The following GYPE variants were observed in gnomAD, a reference collection of about 807,000 sequenced individuals.
GYPE encodes glycophorin E (MNS blood group).
Under a neutral mutation model 11.6 loss-of-function variants are expected in GYPE, and 8 were observed. The ratio of observed to expected loss-of-function variants is 0.69; its 90% CI spans 0.41 to 1.25. The LOEUF is 1.25. Among genes scored for constraint, GYPE ranks in the 50% most tolerant of loss-of-function variants. The pLI is 0.01. For missense variants in GYPE, 90 were observed against 92.8 expected, an observed-to-expected ratio of 0.97 and a Z score of 0.12; for synonymous variants, 28 against 29.6, an observed-to-expected ratio of 0.94 and a Z score of 0.18.
At position 143,880,641 on chromosome 4, in the gene GYPE, T is replaced by C. The variant is rs1743990217; in HGVS notation, c.38-132A>G. ...TAAGCGCTTTGGTATATATCTTACA[T>C]AATCTTTAGAGAATTGCTGTGTGGT... On this transcript the variant is annotated intron_variant, in intron 1 of 3. Coordinates refer to ENST00000358615, the MANE Select transcript of GYPE (RefSeq NM_198682.3). 3.6e-6 allele frequency: 5 copies of C among 1,373,594 alleles called. No homozygotes were observed. In the Admixed American group the frequency reaches 5.8e-5, roughly 16 times the overall value. The allele number at this position is 1,373,594 out of a possible 1,614,324, so 85.1% of individuals were successfully genotyped here.
intron 1 of GYPE, among the ~76,000 whole-genome samples, chr4:143,904,637 A>C (rs1391249653): frequency 2.6e-5 from 4 of 152,200 alleles, no homozygotes; most frequent in African/African-American, 9.6e-5. Context: ...TGCTCAGTAG[A>C]TCCTTGATAC....
At chr4:143,881,384 A>T (rs1353476219) in intron 1 of GYPE, among the ~76,000 whole-genome samples, 1 of 152,130 alleles carries the variant, frequency 6.6e-6, no homozygotes, top group Non-Finnish European at 1.5e-5. Flanking sequence ...TGCAAAAGTA[A>T]TATAGATTCA....
chr4:143,889,486 A>G (rs1021137587), intron 1 of GYPE, among the ~76,000 whole-genome samples: 7 of 152,108 alleles, frequency 4.6e-5, no homozygotes, highest in African/African-American at 1.7e-4. Flanking sequence ...TCTGGCCTCT[A>G]AGATGAGAGT....
chr4:143,896,772 G>A (rs1421230762), intron 1 of GYPE, among the ~76,000 whole-genome samples: 1 of 152,138 alleles, frequency 6.6e-6, no homozygotes, highest in African/African-American at 2.4e-5. Context: ...GTCCAACAAT[G>A]ATAGACTGGA....
chr4:143,896,935 C>T (rs991488135), intron 1 of GYPE, among the ~76,000 whole-genome samples: 5 of 151,576 alleles, frequency 3.3e-5, no homozygotes, highest in Middle Eastern at 6.8e-3. Flanking sequence ...CATGTTCTCA[C>T]TCATAGATGG....
chr4:143,891,318 T>C (rs1744393116), intron 1 of GYPE, among the ~76,000 whole-genome samples: 1 of 14,078 alleles, frequency 7.1e-5, no homozygotes, highest in Non-Finnish European at 6.4e-3. Flanking sequence ...TTATTTTGAT[T>C]TTTTTTGTTT....
chr4:143,876,298 T>G (rs1213212182), intron 3 of GYPE, among the ~76,000 whole-genome samples: 1 of 152,176 alleles, frequency 6.6e-6, no homozygotes, highest in African/African-American at 2.4e-5. Flanking sequence ...ATTTTTTGTA[T>G]AGACTAGGTT....
chr4:143,903,978 C>CT (rs960635491), intron 1 of GYPE, among the ~76,000 whole-genome samples: 14 of 152,032 alleles, frequency 9.2e-5, no homozygotes, highest in African/African-American at 2.9e-4. Flanking sequence ...AAGAATACAT[C>CT]TTTTTTTTCT....
chr4:143,904,364 T>C (rs1744980759), intron 1 of GYPE, among the ~76,000 whole-genome samples: 2 of 152,146 alleles, frequency 1.3e-5, no homozygotes, highest in African/African-American at 4.8e-5. Flanking sequence ...CTTTACGCAA[T>C]TATTATAAGG....
chr4:143,892,177 G>A (rs1744432933), intron 1 of GYPE, among the ~76,000 whole-genome samples: 1 of 152,010 alleles, frequency 6.6e-6, no homozygotes, highest in Admixed American at 6.6e-5. Context: ...CATTTTTATT[G>A]CATCTATTTG....
chr4:143,875,360 T>TA (rs1300836826), intron 3 of GYPE: 2 of 1,000,018 alleles, frequency 2.0e-6, no homozygotes, highest in Admixed American at 4.3e-5. Context: ...GAGAATACAG[T>TA]AATAGGCAGG....
intron 3 of GYPE, among the ~76,000 whole-genome samples, chr4:143,876,525 A>G (rs1221943594): frequency 6.6e-6 from 1 of 152,200 alleles, no homozygotes; most frequent in East Asian, 1.9e-4. Flanking sequence ...TTCATTGGGA[A>G]AATGGGGGAC....
intron 1 of GYPE, among the ~76,000 whole-genome samples, chr4:143,901,420 G>A (rs569786779): frequency 0.08 from 1,242 of 15,452 alleles, 11 homozygotes; most frequent in South Asian, 0.38. Context: ...TATTTAAAAT[G>A]AGAAAAAAAA....
chr4:143,874,151 GTTA>G (rs1743712294), intron 3 of GYPE, among the ~76,000 whole-genome samples: 1 of 151,956 alleles, frequency 6.6e-6, no homozygotes, highest in Non-Finnish European at 1.5e-5. Context: ...AATGGCTTTT[GTTA>G]TTGTCTCTTT....
intron 1 of GYPE, 65 bp from the exon 2 acceptor site, chr4:143,880,574 T>G: frequency 6.2e-7 from 1 of 1,611,882 alleles, no homozygotes; most frequent in Non-Finnish European, 8.5e-7. Flanking sequence ...ATAAAGCATA[T>G]CACAAAAGAC....
chr4:143,905,371 A>T, intron 1 of GYPE, 100 bp downstream of exon 1: 15 of 1,569,838 alleles, frequency 9.6e-6, no homozygotes, highest in Non-Finnish European at 1.3e-5. Flanking sequence ...CTACTCATTT[A>T]TGCATTTAAA....
chr4:143,880,505 A>C lies in GYPE; in HGVS notation c.42T>G (p.Ile14Met), dbSNP rs1296501072. The C allele has an allele frequency of 1.2e-6, 2 of 1,613,972 alleles. No individual in the cohort carries two copies. Among genetic ancestry groups the C allele is most frequent in the South Asian group, 2.2e-5 (2 of 91,078 alleles). The change falls in exon 2 of 4, where the codon ATT becomes ATG. Residue 14 changes from isoleucine (I) to methionine (M), a missense_variant. By Grantham distance (10) the Ile-to-Met change is conservative. Transcript: ENST00000358615. ...TGGTACTTGATGCTGATATGCTCAC[A>C]ATTCCTGTATAAAATAGAAGTTGAG... ...KIIFVLLLSGIVSISASSTTG... is the reference protein window; with the variant it reads ...KIIFVLLLSGMVSISASSTTG...
Position 143,875,485 on chromosome 4 carries a change from C to A in GYPE, c.*9+1261G>T. 5.8e-6 allele frequency: 9 copies of A among 1,551,090 alleles called. No individual in the cohort carries two copies. In the East Asian group the frequency reaches 1.5e-4, roughly 25 times the overall value. On this transcript the variant is annotated intron_variant, in intron 3 of 3. Transcript: ENST00000358615. ...GCAGCTGGTTCTAGGCAAGATCAGG[C>A]AGCATGCAGGCCACATCCTCATGCC... is the stretch of plus-strand genomic sequence containing the variant.
Position 143,905,486 on chromosome 4 carries a change from C to T in GYPE, c.22G>A (p.Val8Ile), listed in dbSNP as rs369034488. ...AATCACTTACCTGACAATAGTAATACAAAGATTATTTTTCCATACATCCTG... is the reference window on the plus strand; with the variant it reads ...AATCACTTACCTGACAATAGTAATATAAAGATTATTTTTCCATACATCCTG... Reference protein sequence around the residue: MYGKIIFVLLLSGIVSIS... With the variant: MYGKIIFILLLSGIVSIS... The change falls in exon 1 of 4, where the codon GTA (valine) becomes ATA (isoleucine). Residue 8 changes from valine (V) to isoleucine (I), a missense_variant. Coordinates refer to ENST00000358615, the MANE Select transcript of GYPE (RefSeq NM_198682.3). 1.6e-4 allele frequency: 252 copies of T among 1,613,026 alleles called. No homozygotes were observed. The highest frequency in any genetic ancestry group is 2.0e-4 in the Non-Finnish European group (239 of 1,179,310).
Sources: allele counts gnomAD v4.1 joint callset (sites outside exome capture counted in the v4.1 genomes callset), GRCh38; gene constraint gnomAD v4.1.1; transcripts MANE v1.5; gene names NCBI Gene and HGNC (gene_info 2026-07-23, HGNC 2026-07-21).